CYTH3: variants seen among roughly 807,000 people sequenced by gnomAD.
The protein encoded by CYTH3 is cytohesin-3.
CYTH3 carries 23 observed loss-of-function variants against 55.1 expected under a neutral mutation model. The observed-to-expected ratio is 0.42, with a 90% CI of 0.30 to 0.59. CYTH3 has a LOEUF of 0.59. CYTH3 is among the 20% of genes least tolerant of loss of function. The pLI is 0.20. For missense variants in CYTH3, 413 were observed against 524.8 expected, an observed-to-expected ratio of 0.79 and a Z score of 2.08; for synonymous variants, 249 against 194.9, an observed-to-expected ratio of 1.28 and a Z score of -2.31.
At chr7:6,253,266 G>A (rs935031329) in intron 1 of CYTH3, among the ~76,000 whole-genome samples, 2 of 149,448 alleles carry the variant, frequency 1.3e-5, no homozygotes. Context: ...CACCCAGGCT[G>A]GAGTGCACTG....
chr7:6,272,508 C>G lies in CYTH3; in HGVS notation c.-1G>C, dbSNP rs866710192. 1.7e-5 allele frequency: 23 copies of G among 1,344,066 alleles called. No homozygotes were observed. The Middle Eastern group carries it at 1.1e-3, about 63-fold the overall frequency. The allele number at this position is 1,344,066 out of a possible 1,614,324, so 83.3% of individuals were successfully genotyped here. On this transcript the variant is annotated 5_prime_UTR_variant, in exon 1 of 13. Coordinates refer to ENST00000350796, the MANE Select transcript of CYTH3 (RefSeq NM_004227.4). The stretch of plus-strand genomic sequence containing the variant: ...CCTCGCCGCCGCCGTCTTCATCCAT[C>G]TTGAGGCCACTCCCGCAGCCGGCGA...
At chr7:6,259,835 T>A (rs868609949) in intron 1 of CYTH3, among the ~76,000 whole-genome samples, 670 of 59,348 alleles carry the variant, frequency 0.011, 59 homozygotes, top group East Asian at 0.071. Flanking sequence ...TATATATATT[T>A]TTTTTTTTTT....
chr7:6,228,490 T>A (rs892313970), intron 1 of CYTH3, among the ~76,000 whole-genome samples: 1 of 151,878 alleles, frequency 6.6e-6, no homozygotes, highest in African/African-American at 2.4e-5. Context: ...TGTGGGAGGG[T>A]AGGATTCAGG....
intron 1 of CYTH3, among the ~76,000 whole-genome samples, chr7:6,194,407 T>C (rs1783870559): frequency 6.6e-6 from 1 of 152,246 alleles, no homozygotes; most frequent in Admixed American, 6.5e-5. Flanking sequence ...GACCAGCCAC[T>C]GCATCCCAGC....
intron 1 of CYTH3, among the ~76,000 whole-genome samples, chr7:6,195,766 T>G (rs1783909301): frequency 6.6e-6 from 1 of 152,222 alleles, no homozygotes; most frequent in Admixed American, 6.5e-5. Context: ...TTATCCTCGT[T>G]TTATAAATGA....
At chr7:6,263,384 T>C (rs1272682057) in intron 1 of CYTH3, among the ~76,000 whole-genome samples, 1 of 152,138 alleles carries the variant, frequency 6.6e-6, no homozygotes, top group Non-Finnish European at 1.5e-5. Flanking sequence ...TGCCTATAAC[T>C]CACAACTGCA....
chr7:6,208,756 G>A (rs978901276), intron 1 of CYTH3, among the ~76,000 whole-genome samples: 1 of 152,168 alleles, frequency 6.6e-6, no homozygotes, highest in South Asian at 2.1e-4. Flanking sequence ...GCCCAGGCTG[G>A]TCTGAAGCGA....
At chr7:6,222,846 C>T (rs188486112) in intron 1 of CYTH3, among the ~76,000 whole-genome samples, 54 of 151,270 alleles carry the variant, frequency 3.6e-4, no homozygotes, top group African/African-American at 1.2e-3. Context: ...TTTCAGGTGA[C>T]GGTTAACTCT....
chr7:6,190,689 G>T (rs961242022), intron 1 of CYTH3, among the ~76,000 whole-genome samples, 158 bp from the exon 2 acceptor site: 56 of 152,106 alleles, frequency 3.7e-4, no homozygotes, highest in Admixed American at 2.9e-3. Flanking sequence ...ACTCATAGGA[G>T]CGCTCTTTAT....
At chr7:6,253,807 T>C (rs1436454684) in intron 1 of CYTH3, among the ~76,000 whole-genome samples, 79 of 112,288 alleles carry the variant, frequency 7.0e-4, no homozygotes, top group African/African-American at 1.2e-3. Context: ...CAGAGTGAGA[T>C]GCTGTCTCAA....
chr7:6,207,856 G>C (rs1322027038), intron 1 of CYTH3, among the ~76,000 whole-genome samples: 1 of 151,016 alleles, frequency 6.6e-6, no homozygotes, highest in Non-Finnish European at 1.5e-5. Context: ...AGGCTGAGGT[G>C]GGAGGATGGC....
intron 1 of CYTH3, among the ~76,000 whole-genome samples, chr7:6,226,378 C>T (rs577906522): frequency 4.4e-4 from 67 of 152,288 alleles, no homozygotes; most frequent in African/African-American, 1.4e-3. Context: ...ATTCCATTTC[C>T]CATTCACAAA....
At chr7:6,222,118 G>C (rs958757271) in intron 1 of CYTH3, among the ~76,000 whole-genome samples, 1 of 152,222 alleles carries the variant, frequency 6.6e-6, no homozygotes, top group East Asian at 1.9e-4. Flanking sequence ...GGACAGAGCA[G>C]AGTATGTGGC....
intron 1 of CYTH3, 133 bp from the exon 2 acceptor site, chr7:6,190,664 G>T: frequency 3.0e-6 from 2 of 657,902 alleles, no homozygotes; most frequent in Non-Finnish European, 2.4e-6. Flanking sequence ...CTCCCATTGA[G>T]ACTGTATCTG....
At chr7:6,180,623 C>T (rs1260375410) in intron 4 of CYTH3, among the ~76,000 whole-genome samples, 1 of 152,216 alleles carries the variant, frequency 6.6e-6, no homozygotes, top group Non-Finnish European at 1.5e-5. Context: ...TGTTTTAAAC[C>T]ACCCCGTTGC....
intron 1 of CYTH3, among the ~76,000 whole-genome samples, chr7:6,225,336 T>G (rs1049724948): frequency 6.6e-6 from 1 of 151,940 alleles, no homozygotes; most frequent in Non-Finnish European, 1.5e-5. Flanking sequence ...GAGCCTACAT[T>G]AAGATGAAGG....
intron 6 of CYTH3, among the ~76,000 whole-genome samples, chr7:6,173,302 G>A (rs1434849571): frequency 2.0e-5 from 3 of 152,198 alleles, no homozygotes; most frequent in Non-Finnish European, 4.4e-5. Context: ...TTTGGGTCAA[G>A]TGTGGAAGGA....
intron 1 of CYTH3, among the ~76,000 whole-genome samples, chr7:6,253,498 C>T (rs1038458030): frequency 4.0e-5 from 6 of 151,888 alleles, no homozygotes; most frequent in East Asian, 1.9e-4. Context: ...CCTGATCCAT[C>T]GCACCCAGCC....
At chr7:6,220,868 C>T (rs1265355803) in intron 1 of CYTH3, among the ~76,000 whole-genome samples, 1 of 151,994 alleles carries the variant, frequency 6.6e-6, no homozygotes, top group African/African-American at 2.4e-5. Flanking sequence ...TGGTGGCGGG[C>T]ACCTGTAGTC....
Sources: allele counts gnomAD v4.1 joint callset (sites outside exome capture counted in the v4.1 genomes callset), GRCh38; gene constraint gnomAD v4.1.1; transcripts MANE v1.5; gene names NCBI Gene and HGNC (gene_info 2026-07-23, HGNC 2026-07-21).